The following ANGPTL8 variants were observed in gnomAD, a reference collection of about 807,000 sequenced individuals.
The protein encoded by ANGPTL8 is angiopoietin-like protein 8.
In ANGPTL8, 24 loss-of-function variants were observed where a neutral mutation model predicts 22.6. The observed-to-expected ratio is 1.06, with a 90% CI of 0.77 to 1.49. ANGPTL8 has a LOEUF of 1.49. Among genes scored for constraint, ANGPTL8 ranks in the 40% most tolerant of loss-of-function variants. ANGPTL8 has a pLI of 0.00. For missense variants in ANGPTL8, 230 were observed against 259.6 expected, an observed-to-expected ratio of 0.89 and a Z score of 0.78; for synonymous variants, 88 against 113.4, an observed-to-expected ratio of 0.78 and a Z score of 1.42.
rs1243219239 is a variant in ANGPTL8, at chr19:11,239,740, C to T, written c.103C>T (p.Leu35=). 23 of 1,612,994 alleles carry T rather than the reference C, an allele frequency of 1.4e-5. No individual in the cohort carries two copies. The highest frequency in any genetic ancestry group is 1.7e-5 in the Non-Finnish European group (20 of 1,179,630). The change falls in exon 1 of 4, where the codon CTG becomes TTG. Residue 35 remains leucine (L), a synonymous_variant. Coordinates refer to ENST00000252453, the MANE Select transcript of ANGPTL8 (RefSeq NM_018687.7). ...CCCAGAACTGGCACAGCATGAGGAGCTGACCCTGCTCTTCCATGGGACCCT... is the reference window on the plus strand; with the variant it reads ...CCCAGAACTGGCACAGCATGAGGAGTTGACCCTGCTCTTCCATGGGACCCT... ...GGPELAQHEE[L]TLLFHGTLQL... is the part of the protein sequence containing the mutation.
In ANGPTL8 at chr19:11,240,184, T is replaced by C. The variant is rs1399724275; in HGVS notation, c.347T>C (p.Leu116Pro). The change falls in exon 2 of 4, where the codon CTG becomes CCG. Residue 116 changes from leucine (L) to proline (P), a missense_variant. Leu to Pro is a moderately conservative substitution (Grantham distance 98, BLOSUM62 -3). Coordinates refer to ENST00000252453, the MANE Select transcript of ANGPTL8 (RefSeq NM_018687.7). ...QLQAEATAEV[L>P]GEVAQAQKVL... Reference sequence around the variant, plus strand: ...CAGGCAGAGGCCACAGCTGAGGTGCTGGGGGAGGTGGCCCAGGCACAGAAG... The same window carrying C: ...CAGGCAGAGGCCACAGCTGAGGTGCCGGGGGAGGTGGCCCAGGCACAGAAG... 6.4e-7 allele frequency: 1 copy of C among 1,554,166 alleles called. No homozygotes were observed. The highest frequency in any genetic ancestry group is 8.7e-7 in the Non-Finnish European group (1 of 1,148,516).
intron 2 of ANGPTL8, 83 bp downstream of exon 2, chr19:11,240,379 TC>T: frequency 1.5e-6 from 2 of 1,378,116 alleles, no homozygotes; most frequent in Non-Finnish European, 9.6e-7. Context: ...CCCAAAGACC[TC>T]CCAGATCAGC....
In ANGPTL8 at chr19:11,241,479, C is replaced by A; in HGVS notation, c.494C>A (p.Ala165Asp). 1 of 1,552,100 alleles carries A rather than the reference C, an allele frequency of 6.4e-7. No homozygotes were observed. The highest frequency in any genetic ancestry group is 8.7e-7 in the Non-Finnish European group (1 of 1,147,408). ...GACAAGCAGAGCCACATCCTATGGG[C>A]CCTCACAGGCCACGTGCAGCGGCAG... ...HADKQSHILW[A>D]LTGHVQRQRR... Residue 165 changes from alanine (A) to aspartate (D), a missense_variant, in exon 3 of 4, where the codon GCC (alanine) becomes GAC (aspartate). By Grantham distance (126) the Ala-to-Asp change is moderately radical. Coordinates refer to ENST00000252453, the MANE Select transcript of ANGPTL8 (RefSeq NM_018687.7).
chr19:11,240,726 C>T (rs1173315833), intron 2 of ANGPTL8, among the ~76,000 whole-genome samples: 1 of 151,690 alleles, frequency 6.6e-6, no homozygotes, highest in African/African-American at 2.4e-5. Flanking sequence ...ATTACAGGTG[C>T]ACCAGCTAAT....
At chr19:11,241,575 G>A (rs2079945058) in intron 3 of ANGPTL8, 21 bp downstream of exon 3, 2 of 1,554,268 alleles carry the variant, frequency 1.3e-6, no homozygotes, top group Admixed American at 3.9e-5. Context: ...CAGGGGTTTG[G>A]CAGGCAGGGC....
chr19:11,239,991 G>T, intron 1 of ANGPTL8, 57 bp downstream of exon 1: 1 of 1,551,528 alleles, frequency 6.4e-7, no homozygotes, highest in Non-Finnish European at 8.7e-7. Context: ...AGGAGTTCGT[G>T]TCTAGGGTAA....
chr19:11,240,248 G>C lies in ANGPTL8; in HGVS notation c.411G>C (p.Leu137=), dbSNP rs992655444. The C allele has an allele frequency of 9.5e-6, 15 of 1,583,442 alleles. No homozygotes were observed. The African/African-American group carries it at 1.9e-4, about 20-fold the overall frequency. The part of the protein sequence containing the change: ...RDSVQRLEVQ[L]RSAWLGPAYR... Reference sequence around the variant, plus strand: ...GCGTGCAGCGGCTAGAAGTCCAGCTGAGGAGCGCCTGGCTGGGCCCTGCCT... The same window carrying C: ...GCGTGCAGCGGCTAGAAGTCCAGCTCAGGAGCGCCTGGCTGGGCCCTGCCT... The change falls in exon 2 of 4, where the codon CTG becomes CTC. Residue 137 remains leucine (L), a synonymous_variant. Coordinates refer to ENST00000252453, the MANE Select transcript of ANGPTL8 (RefSeq NM_018687.7).
At chr19:11,240,361 C>A in intron 2 of ANGPTL8, 65 bp downstream of exon 2, 2 of 1,447,538 alleles carry the variant, frequency 1.4e-6, no homozygotes, top group Non-Finnish European at 1.8e-6. Flanking sequence ...CGCTTCTGCA[C>A]CTTGAGTCCC....
chr19:11,241,671 C>T lies in ANGPTL8; in HGVS notation c.581C>T (p.Ala194Val), dbSNP rs545749232. The T allele has an allele frequency of 3.2e-4, 505 of 1,582,822 alleles. 6 individuals carry two copies. In the South Asian group the frequency reaches 5.4e-3, roughly 17 times the overall value. ...LRQIQERLHTAALPA is the reference protein window; with the variant it reads ...LRQIQERLHTVALPA ...ATCTCCCTCCCCAGACTCCACACAG[C>T]GGCGCTCCCAGCCTGAATCTGCCTG... The change falls in exon 4 of 4, where the codon GCG becomes GTG. Residue 194 changes from alanine (A) to valine (V), a missense_variant. By Grantham distance (64) the Ala-to-Val change is moderately conservative (BLOSUM62 0). Transcript: ENST00000252453.
chr19:11,239,656 T>G lies in ANGPTL8; in HGVS notation c.19T>G (p.Cys7Gly). 6.2e-7 allele frequency: 1 copy of G among 1,613,738 alleles called. No homozygotes were observed. Among genetic ancestry groups the G allele is most frequent in the Non-Finnish European group, 8.5e-7 (1 of 1,179,842 alleles). MPVPALCLLWALAMVTR... is the reference protein window; with the variant it reads MPVPALGLLWALAMVTR... The stretch of plus-strand genomic sequence containing the variant: ...CTCAGTCATGCCAGTGCCTGCTCTG[T>G]GCCTGCTCTGGGCCCTGGCAATGGT... The change falls in exon 1 of 4, where the codon TGC (cysteine) becomes GGC (glycine). Residue 7 changes from cysteine to glycine, a missense_variant. Cys to Gly is a radical substitution (Grantham distance 159). Transcript: ENST00000252453.
Position 11,241,554 on chromosome 19 carries a change from G to C in ANGPTL8, c.569G>C (p.Arg190Thr). 1.3e-6 allele frequency: 2 copies of C among 1,553,734 alleles called. No homozygotes were observed. Among genetic ancestry groups the C allele is most frequent in the Non-Finnish European group, 1.7e-6 (2 of 1,148,294 alleles). Residue 190 changes from arginine to threonine, a missense_variant and splice_region_variant, in exon 3 of 4, where the codon AGA becomes ACA. By Grantham distance (71) the Arg-to-Thr change is moderately conservative. Transcript: ENST00000252453. ...CATCGGCTGCGACAGATCCAGGAGA[G>C]GTGAGCCTGGCAGGGGTTTGGCAGG... The part of the protein sequence containing the change: ...QQHRLRQIQE[R>T]LHTAALPA
rs371946383 is a variant in ANGPTL8 at position 11,241,074 on chromosome 19, G to A, written c.460-371G>A. On this transcript the variant is annotated intron_variant, in intron 2 of 3. Coordinates refer to ENST00000252453, the MANE Select transcript of ANGPTL8 (RefSeq NM_018687.7). ...ACCCTGGCCAACATGGTGAAACCCC[G>A]TCTCTACTAAAAATACAAAAAATTA... Among the ~76,000 whole-genome samples the A allele has an allele frequency of 1.8e-4, 28 of 151,824 alleles. No homozygotes were observed. In the South Asian group the frequency reaches 5.2e-3, roughly 28 times the overall value.
chr19:11,239,883 C>A lies in ANGPTL8; in HGVS notation c.246C>A (p.Ser82Arg). ...RTIELLGQEVSRGRDAAQELR... is the reference protein window; with the variant it reads ...RTIELLGQEVRRGRDAAQELR... ...TAGAACTCCTGGGGCAGGAGGTCAG[C>A]CGGGGCCGGGATGCAGCCCAGGAAC... The change falls in exon 1 of 4, where the codon AGC becomes AGA. Residue 82 changes from serine to arginine, a missense_variant. Coordinates refer to ENST00000252453, the MANE Select transcript of ANGPTL8 (RefSeq NM_018687.7). The A allele has an allele frequency of 6.3e-7, 1 of 1,595,192 alleles. No individual in the cohort carries two copies. Among genetic ancestry groups the A allele is most frequent in the Admixed American group, 1.8e-5 (1 of 56,506 alleles).
At position 11,240,271 on chromosome 19, in the gene ANGPTL8, C is replaced by A; in HGVS notation, c.434C>A (p.Ala145Asp). The change falls in exon 2 of 4, where the codon GCC (alanine) becomes GAC (aspartate). Residue 145 changes from alanine (A) to aspartate (D), a missense_variant. Transcript: ENST00000252453. ...CTGAGGAGCGCCTGGCTGGGCCCTGCCTACCGAGAATTTGAGGTCTTAAAG... is the reference window on the plus strand; with the variant it reads ...CTGAGGAGCGCCTGGCTGGGCCCTGACTACCGAGAATTTGAGGTCTTAAAG... ...VQLRSAWLGP[A>D]YREFEVLKAH... 1.3e-6 allele frequency: 2 copies of A among 1,583,114 alleles called. No individual in the cohort carries two copies. The highest frequency in any genetic ancestry group is 1.2e-5 in the South Asian group (1 of 86,594).
Position 11,241,442 on chromosome 19 carries a change from C to T in ANGPTL8, c.460-3C>T, listed in dbSNP as rs2079942019. 5 of 1,544,748 alleles carry T rather than the reference C, an allele frequency of 3.2e-6. No individual in the cohort carries two copies. The highest frequency in any genetic ancestry group is 1.2e-5 in the South Asian group (1 of 83,832). On this transcript the variant is annotated splice_region_variant and splice_polypyrimidine_tract_variant and intron_variant, in intron 2 of 3. Coordinates refer to ENST00000252453, the MANE Select transcript of ANGPTL8 (RefSeq NM_018687.7). ...GCTGAGGTTTCCATTCTGACCCCCACAGGCTCACGCTGACAAGCAGAGCCA... is the reference window on the plus strand; with the variant it reads ...GCTGAGGTTTCCATTCTGACCCCCATAGGCTCACGCTGACAAGCAGAGCCA...
At position 11,241,787 on chromosome 19, in the gene ANGPTL8, A is replaced by G; in HGVS notation, c.*100A>G. 1 of 1,532,244 alleles carries G rather than the reference A, an allele frequency of 6.5e-7. No individual in the cohort carries two copies. Among genetic ancestry groups the G allele is most frequent in the Non-Finnish European group, 8.8e-7 (1 of 1,131,148 alleles). The allele number at this position is 1,532,244 out of a possible 1,614,324, so 94.9% of individuals were successfully genotyped here. ...GAGGAGCTGCCTGTTCACTGGGATC[A>G]GCCAGGGCGCCGGGCCCCACTTCTG... On this transcript the variant is annotated 3_prime_UTR_variant, in exon 4 of 4. Coordinates refer to ENST00000252453, the MANE Select transcript of ANGPTL8 (RefSeq NM_018687.7).
At position 11,240,271 on chromosome 19, in the gene ANGPTL8, C is replaced by T; in HGVS notation, c.434C>T (p.Ala145Val). ...CTGAGGAGCGCCTGGCTGGGCCCTG[C>T]CTACCGAGAATTTGAGGTCTTAAAG... ...VQLRSAWLGPAYREFEVLKAH... is the reference protein window; with the variant it reads ...VQLRSAWLGPVYREFEVLKAH... Residue 145 changes from alanine (A) to valine (V), a missense_variant, in exon 2 of 4, where the codon GCC becomes GTC. Transcript: ENST00000252453. 6 of 1,583,116 alleles carry T rather than the reference C, an allele frequency of 3.8e-6. No individual in the cohort carries two copies. The highest frequency in any genetic ancestry group is 5.1e-6 in the Non-Finnish European group (6 of 1,166,458).
rs2079908233 is a variant in ANGPTL8 at position 11,239,623 on chromosome 19, C to T, written c.-15C>T. 4.3e-6 allele frequency: 7 copies of T among 1,613,590 alleles called. No homozygotes were observed. The highest frequency in any genetic ancestry group is 5.9e-6 in the Non-Finnish European group (7 of 1,179,844). On this transcript the variant is annotated 5_prime_UTR_variant, in exon 1 of 4. Coordinates refer to ENST00000252453, the MANE Select transcript of ANGPTL8 (RefSeq NM_018687.7). ...TTCAGTGACAGTGCTGTGGCTATAC[C>T]TTAGACCCTCAGTCATGCCAGTGCC...
In ANGPTL8 at chr19:11,239,650, G is replaced by A. The variant is rs59168178; in HGVS notation, c.13G>A (p.Ala5Thr). The A allele has an allele frequency of 4.8e-3, 7,768 of 1,613,662 alleles. 290 individuals carry two copies. The African/African-American group carries it at 0.087, about 18-fold the overall frequency. Reference protein sequence around the residue: MPVPALCLLWALAMV... With the variant: MPVPTLCLLWALAMV... ...TAGACCCTCAGTCATGCCAGTGCCTGCTCTGTGCCTGCTCTGGGCCCTGGC... is the reference window on the plus strand; with the variant it reads ...TAGACCCTCAGTCATGCCAGTGCCTACTCTGTGCCTGCTCTGGGCCCTGGC... Residue 5 changes from alanine (A) to threonine (T), a missense_variant, in exon 1 of 4, where the codon GCT becomes ACT. By Grantham distance (58) the Ala-to-Thr change is moderately conservative. Coordinates refer to ENST00000252453, the MANE Select transcript of ANGPTL8 (RefSeq NM_018687.7).
Sources: gnomAD v4.1 joint callset for allele counts (sites outside exome capture counted in the v4.1 genomes callset) on GRCh38, gnomAD v4.1.1 for gene constraint, MANE v1.5 for transcripts, NCBI Gene and HGNC (gene_info 2026-07-23, HGNC 2026-07-21) for gene names.